The following ATP10B variants were observed in gnomAD, a reference collection of about 807,000 sequenced individuals.
The protein encoded by ATP10B is phospholipid-transporting ATPase VB.
Under a neutral mutation model 141.2 loss-of-function variants are expected in ATP10B, and 122 were observed. The ratio of observed to expected loss-of-function variants is 0.86; its 90% CI spans 0.75 to 1.00. The LOEUF (loss-of-function observed/expected upper bound fraction) is 1.00. Among genes scored for constraint, ATP10B ranks in the 50% least tolerant of loss-of-function variants. The probability of loss-of-function intolerance (pLI) is 0.00; values close to 1 mark genes in which losing one functional copy is unlikely to be tolerated. For missense variants in ATP10B, 1,876 were observed against 1,825.3 expected (o/e 1.03, Z -0.51); for synonymous variants, 685 against 692.0 (o/e 0.99, Z 0.16).
chr5:160,666,645 G>C (rs986606624), intron 7 of ATP10B, among the ~76,000 whole-genome samples: 1 of 152,116 alleles, frequency 6.6e-6, no homozygotes, highest in African/African-American at 2.4e-5. Context: ...CAATACGTTA[G>C]GGAAATCCTA....
intron 6 of ATP10B, among the ~76,000 whole-genome samples, chr5:160,671,061 A>C (rs1358416898): frequency 1.4e-5 from 2 of 146,934 alleles, no homozygotes; most frequent in East Asian, 4.2e-4. Context: ...GCTGCTCGGG[A>C]GGCTGAGGCA....
At chr5:160,895,925 A>C in the ATP10B span, among the ~76,000 whole-genome samples, 13 of 152,326 alleles carry the variant, frequency 8.5e-5, no homozygotes, top group Non-Finnish European at 1.5e-5. Context: ...ATGGAACTGA[A>C]CAACCTTCTC....
chr5:160,888,124 C>T, the ATP10B span, among the ~76,000 whole-genome samples: 1 of 152,228 alleles, frequency 6.6e-6, no homozygotes, highest in African/African-American at 2.4e-5. Flanking sequence ...GCAGTTGTTA[C>T]ACAGGTCAAA....
the ATP10B span, among the ~76,000 whole-genome samples, chr5:160,900,199 A>C: frequency 1.3e-5 from 2 of 152,254 alleles, no homozygotes; most frequent in African/African-American, 4.8e-5. Context: ...CAGGTTATGG[A>C]CAAGACATCC....
chr5:160,776,460 C>T (rs1046089716), intron 2 of ATP10B, among the ~76,000 whole-genome samples: 3 of 152,186 alleles, frequency 2.0e-5, no homozygotes, highest in African/African-American at 7.2e-5. Flanking sequence ...GCTACATTGT[C>T]TGATTTTTCA....
chr5:160,651,172 G>A (rs1024060682), intron 7 of ATP10B, among the ~76,000 whole-genome samples: 3 of 152,114 alleles, frequency 2.0e-5, no homozygotes, highest in Admixed American at 6.6e-5. Flanking sequence ...ATCTGTGACT[G>A]AAAGGTAAAG....
At chr5:160,662,569 G>A (rs1762014727) in intron 7 of ATP10B, among the ~76,000 whole-genome samples, 1 of 152,194 alleles carries the variant, frequency 6.6e-6, no homozygotes, top group Non-Finnish European at 1.5e-5. Flanking sequence ...TTAATAAATG[G>A]TGCTGGGAAA....
intron 7 of ATP10B, among the ~76,000 whole-genome samples, chr5:160,659,421 C>T (rs888534824): frequency 6.6e-5 from 10 of 152,002 alleles, no homozygotes; most frequent in South Asian, 2.1e-4. Flanking sequence ...GCTGAGATCG[C>T]GCCATTGCAC....
At chr5:160,639,697 A>G (rs78818570) in intron 10 of ATP10B, among the ~76,000 whole-genome samples, 5,769 of 152,276 alleles carry the variant, frequency 0.038, 119 homozygotes, top group African/African-American at 0.065. Context: ...TTTGCGGAAG[A>G]CAATTTTTCC....
rs115905951 is a variant in ATP10B at position 160,822,904 on chromosome 5, C to T, written c.-576+29037G>A. On this transcript the variant is annotated intron_variant, in intron 1 of 25. Transcript: ENST00000327245. ...GTAGTTGGAGGGGTAGTGGAGATGG[C>T]TAATGGGTACAAAAAATAGAAATAA... 7.1e-3 allele frequency among the ~76,000 whole-genome samples: 1,035 copies of T among 145,704 alleles called. 18 individuals are homozygous for T. The highest frequency in any genetic ancestry group is 0.025 in the African/African-American group (975 of 39,596).
At chr5:160,770,446 T>C (rs914731960) in intron 2 of ATP10B, among the ~76,000 whole-genome samples, 2 of 152,216 alleles carry the variant, frequency 1.3e-5, no homozygotes, top group Non-Finnish European at 2.9e-5. Flanking sequence ...ACATTTTTTT[T>C]CCTTTTCCTT....
At chr5:160,641,047 A>G (rs1484697061) in intron 9 of ATP10B, among the ~76,000 whole-genome samples, 1 of 152,182 alleles carries the variant, frequency 6.6e-6, no homozygotes, top group Non-Finnish European at 1.5e-5. Context: ...TTCACATTCT[A>G]TTGAAGATAT....
chr5:160,765,704 T>C (rs954241587), intron 2 of ATP10B, among the ~76,000 whole-genome samples: 10 of 152,176 alleles, frequency 6.6e-5, no homozygotes, highest in African/African-American at 2.4e-4. Context: ...AAAACAAAGA[T>C]AAATAGATGG....
chr5:160,641,685 T>C lies in ATP10B; in HGVS notation c.869-1093A>G, dbSNP rs184297315. ...TGAGACTTTGTCTTTAGACAGAGCC[T>C]CTCCTTTGGGGCTGCTGAATGTTAA... is the stretch of plus-strand genomic sequence containing the variant. On this transcript the variant is annotated intron_variant, in intron 9 of 25. Transcript: ENST00000327245. Among the ~76,000 whole-genome samples, 8 of 152,298 alleles carry C rather than the reference T, an allele frequency of 5.3e-5. No individual in the cohort carries two copies. The East Asian group carries it at 1.5e-3, about 29-fold the overall frequency.
the ATP10B span, among the ~76,000 whole-genome samples, chr5:160,902,765 T>C: frequency 6.6e-6 from 1 of 152,358 alleles, no homozygotes; most frequent in South Asian, 2.1e-4. Context: ...TATTAGGTGC[T>C]TAACAAGTGA....
At chr5:160,901,457 A>C in the ATP10B span, among the ~76,000 whole-genome samples, 7 of 152,174 alleles carry the variant, frequency 4.6e-5, no homozygotes, top group East Asian at 1.3e-3. Context: ...TTTGTTCTGA[A>C]CACTGGGCTG....
chr5:160,873,792 G>C, the ATP10B span, among the ~76,000 whole-genome samples: 47 of 152,328 alleles, frequency 3.1e-4, no homozygotes, highest in South Asian at 9.3e-3. Context: ...CAGGAAAATT[G>C]GGTCACTCCC....
At chr5:160,577,295 A>G (rs1318170816) in intron 24 of ATP10B, among the ~76,000 whole-genome samples, 1 of 152,178 alleles carries the variant, frequency 6.6e-6, no homozygotes, top group Non-Finnish European at 1.5e-5. Flanking sequence ...CATTGCCCAA[A>G]ACAGTGGCTG....
chr5:160,741,657 C>A (rs1767488704), intron 2 of ATP10B, among the ~76,000 whole-genome samples: 1 of 152,110 alleles, frequency 6.6e-6, no homozygotes, highest in Non-Finnish European at 1.5e-5. Context: ...CCTTTTTACC[C>A]AGTTGAGCCT....
Sources: gnomAD v4.1 joint callset for allele counts (sites outside exome capture counted in the v4.1 genomes callset) on GRCh38, gnomAD v4.1.1 for gene constraint, MANE v1.5 for transcripts, NCBI Gene and HGNC (gene_info 2026-07-23, HGNC 2026-07-21) for gene names.